The following COPG2 variants were observed in gnomAD, a reference collection of about 807,000 sequenced individuals.
COPG2 encodes coatomer subunit gamma-2.
Under a neutral mutation model 46.3 loss-of-function variants are expected in COPG2, and 37 were observed. The observed-to-expected ratio is 0.80, with a 90% CI of 0.61 to 1.05. The LOEUF (loss-of-function observed/expected upper bound fraction) is 1.05. Ranked by LOEUF, COPG2 falls within the 50% of genes least tolerant of loss-of-function variation. The pLI, the probability that COPG2 is intolerant of heterozygous loss-of-function variation, is 0.00. For missense variants in COPG2, 427 were observed against 387.8 expected, an observed-to-expected ratio of 1.10 and a Z score of -0.85; for synonymous variants, 159 against 129.7, an observed-to-expected ratio of 1.23 and a Z score of -1.53.
chr7:130,592,417 CA>C (rs1286904287), intron 9 of COPG2, among the ~76,000 whole-genome samples: 6 of 149,670 alleles, frequency 4.0e-5, no homozygotes, highest in Non-Finnish European at 7.4e-5. Context: ...AAAAAGAGTC[CA>C]AATTTCTCAA....
At chr7:130,520,415 A>G (rs1386041601) in intron 20 of COPG2, among the ~76,000 whole-genome samples, 1 of 152,218 alleles carries the variant, frequency 6.6e-6, no homozygotes, top group Non-Finnish European at 1.5e-5. Flanking sequence ...AAGGTATGAA[A>G]CAGCAAATAT....
intron 20 of COPG2, among the ~76,000 whole-genome samples, chr7:130,527,307 A>T (rs992912623): frequency 2.6e-5 from 4 of 151,310 alleles, no homozygotes; most frequent in Non-Finnish European, 5.9e-5. Flanking sequence ...TCAAGCAGAG[A>T]GTGCCTGGCA....
chr7:130,651,722 T>A (rs571867102), intron 5 of COPG2, among the ~76,000 whole-genome samples: 1 of 151,340 alleles, frequency 6.6e-6, no homozygotes, highest in East Asian at 1.9e-4. Flanking sequence ...TTCACCTTGT[T>A]AGCCAGGATG....
chr7:130,565,742 A>ATT (rs1277775561), intron 9 of COPG2, among the ~76,000 whole-genome samples: 1 of 148,950 alleles, frequency 6.7e-6, no homozygotes. Flanking sequence ...GACAGAAATG[A>ATT]TTTTTTTTTT....
chr7:130,605,282 T>C (rs957075061), intron 9 of COPG2: 2 of 519,306 alleles, frequency 3.9e-6, no homozygotes, highest in Non-Finnish European at 7.7e-6. Flanking sequence ...GATTCAGTTA[T>C]TGCACTTGCT....
At chr7:130,547,412 G>A in intron 20 of COPG2, 1 of 339,934 alleles carries the variant, frequency 2.9e-6, no homozygotes. Context: ...TTGTGCTACT[G>A]CTATACACAC....
chr7:130,531,797 G>A lies in COPG2; in HGVS notation c.2149+15877C>T, dbSNP rs977255569. On this transcript the variant is annotated intron_variant, in intron 20 of 23. Coordinates refer to ENST00000425248, the MANE Select transcript of COPG2 (RefSeq NM_012133.6). ...TGCAGGGAACCAAGGTGGTCGCAGGGAGTCAAGGTGGCCGTCCACAGCAGT... is the reference window on the plus strand; with the variant it reads ...TGCAGGGAACCAAGGTGGTCGCAGGAAGTCAAGGTGGCCGTCCACAGCAGT... 7.5e-5 allele frequency among the ~76,000 whole-genome samples: 11 copies of A among 146,134 alleles called. No individual in the cohort carries two copies. The South Asian group carries it at 2.5e-3, about 34-fold the overall frequency.
intron 5 of COPG2, among the ~76,000 whole-genome samples, chr7:130,632,915 C>T (rs958589549): frequency 6.6e-6 from 1 of 152,076 alleles, no homozygotes; most frequent in Non-Finnish European, 1.5e-5. Flanking sequence ...CCGAGACAGG[C>T]CCCGGTGTGT....
At chr7:130,620,112 T>C (rs1554453399) in intron 5 of COPG2, among the ~76,000 whole-genome samples, 1 of 152,224 alleles carries the variant, frequency 6.6e-6, no homozygotes, top group East Asian at 1.9e-4. Context: ...AGTTCTCTTT[T>C]TTAATGTTTT....
At chr7:130,602,370 TATA>T (rs543578308) in intron 9 of COPG2, among the ~76,000 whole-genome samples, 191 of 152,206 alleles carry the variant, frequency 1.3e-3, no homozygotes, top group Non-Finnish European at 1.6e-3. Context: ...TAGCTATATC[TATA>T]ATATTACAAT....
chr7:130,576,611 T>C (rs2116427195), intron 9 of COPG2, among the ~76,000 whole-genome samples: 1 of 152,038 alleles, frequency 6.6e-6, no homozygotes, highest in Admixed American at 6.5e-5. Context: ...GCTCAAAAGT[T>C]CAAAAGCTCA....
intron 12 of COPG2, among the ~76,000 whole-genome samples, chr7:130,557,050 C>T (rs1030760587): frequency 4.6e-5 from 7 of 151,946 alleles, no homozygotes; most frequent in African/African-American, 1.7e-4. Flanking sequence ...AAACAAGAAT[C>T]GGAGAAGACA....
chr7:130,617,988 C>T (rs1423127973), intron 5 of COPG2, among the ~76,000 whole-genome samples: 1 of 144,458 alleles, frequency 6.9e-6, no homozygotes, highest in Admixed American at 7.4e-5. Flanking sequence ...GTAGTCTCAG[C>T]TACTTGGGAG....
chr7:130,572,756 A>C (rs1793931548), intron 9 of COPG2, among the ~76,000 whole-genome samples: 1 of 151,988 alleles, frequency 6.6e-6, no homozygotes, highest in African/African-American at 2.4e-5. Context: ...TGTATCAAAA[A>C]CAAAAAAGGG....
chr7:130,613,188 CAT>C (rs532095032), intron 7 of COPG2, among the ~76,000 whole-genome samples: 33 of 152,256 alleles, frequency 2.2e-4, no homozygotes, highest in African/African-American at 6.5e-4. Context: ...ATTAGATTCT[CAT>C]ATGAGGCCGG....
intron 9 of COPG2, among the ~76,000 whole-genome samples, chr7:130,585,708 T>C (rs1554447886): frequency 6.6e-6 from 1 of 151,426 alleles, no homozygotes; most frequent in East Asian, 1.9e-4. Flanking sequence ...AACGAACATA[T>C]AAAAAAATGC....
chr7:130,591,517 G>T (rs1794423723), intron 9 of COPG2, among the ~76,000 whole-genome samples: 1 of 107,730 alleles, frequency 9.3e-6, no homozygotes, highest in East Asian at 3.0e-4. Context: ...CATCCGGGAG[G>T]TGAGGGGTGC....
chr7:130,652,080 TATG>T (rs1174923667), intron 5 of COPG2, among the ~76,000 whole-genome samples: 4 of 152,344 alleles, frequency 2.6e-5, no homozygotes, highest in African/African-American at 7.2e-5. Flanking sequence ...TATTTTATAA[TATG>T]ATGATATGGT....
intron 20 of COPG2, among the ~76,000 whole-genome samples, chr7:130,515,027 G>C (rs961918032): frequency 6.6e-6 from 1 of 152,146 alleles, no homozygotes; most frequent in Non-Finnish European, 1.5e-5. Context: ...GCTTGGTTGA[G>C]GGAGAAGTTG....
Sources: allele counts gnomAD v4.1 joint callset (sites outside exome capture counted in the v4.1 genomes callset), GRCh38; gene constraint gnomAD v4.1.1; transcripts MANE v1.5; gene names NCBI Gene and HGNC (gene_info 2026-07-23, HGNC 2026-07-21).